CPNE4: variants seen among roughly 807,000 people sequenced by gnomAD.
CPNE4 encodes the protein copine 4, also known as copine-4.
Under a neutral mutation model 67.9 loss-of-function variants are expected in CPNE4, and 25 were observed. The observed-to-expected ratio is 0.37, with a 90% confidence interval of 0.27 to 0.51. The LOEUF is 0.51. CPNE4 is among the 20% of genes least tolerant of loss of function. CPNE4 has a pLI of 0.93. For synonymous variants in CPNE4, 242 were observed against 244.9 expected (o/e 0.99, Z 0.11); for missense variants, 464 against 690.8 (o/e 0.67, Z 3.68).
chr3:131,953,253 A>AT (rs1331790441), intron 1 of CPNE4, among the ~76,000 whole-genome samples: 1 of 143,520 alleles, frequency 7.0e-6, no homozygotes, highest in African/African-American at 2.6e-5. Context: ...AAAAAAAAAA[A>AT]AAAAAAAAAA....
chr3:131,937,215 C>T (rs891531121), intron 1 of CPNE4, among the ~76,000 whole-genome samples: 11 of 152,032 alleles, frequency 7.2e-5, no homozygotes, highest in African/African-American at 2.7e-4. Flanking sequence ...GAAATGTATA[C>T]AAAAATAGTC....
chr3:131,734,422 A>T (rs1430990290), intron 2 of CPNE4, among the ~76,000 whole-genome samples: 1 of 152,208 alleles, frequency 6.6e-6, no homozygotes, highest in East Asian at 1.9e-4. Context: ...GGTGTTGGGA[A>T]CATATCTGAA....
chr3:131,989,798 T>C (rs2073135531), intron 1 of CPNE4, among the ~76,000 whole-genome samples: 1 of 135,890 alleles, frequency 7.4e-6, no homozygotes, highest in South Asian at 2.6e-4. Context: ...AAAAGCAAAA[T>C]TGCTTTCAGA....
intron 2 of CPNE4, among the ~76,000 whole-genome samples, chr3:131,823,766 T>C (rs61487555): frequency 0.032 from 4,808 of 152,256 alleles, 179 homozygotes; most frequent in South Asian, 0.094. Context: ...AATGACCATA[T>C]ATCAAAACAA....
chr3:131,950,482 TGG>T (rs1333126152), intron 1 of CPNE4, among the ~76,000 whole-genome samples: 4 of 151,940 alleles, frequency 2.6e-5, no homozygotes, highest in East Asian at 1.9e-4. Flanking sequence ...GTATGAAAAA[TGG>T]GAGAAGAAGG....
At chr3:131,548,988 A>G (rs1308199874) in intron 14 of CPNE4, among the ~76,000 whole-genome samples, 3 of 152,160 alleles carry the variant, frequency 2.0e-5, no homozygotes, top group Non-Finnish European at 4.4e-5. Flanking sequence ...ATATTATTGA[A>G]TGAGTACTTG....
At chr3:131,974,707 G>A (rs1370129796) in intron 1 of CPNE4, among the ~76,000 whole-genome samples, 1 of 152,146 alleles carries the variant, frequency 6.6e-6, no homozygotes, top group African/African-American at 2.4e-5. Flanking sequence ...GTTCAAAAGG[G>A]ATTAAAGAAA....
chr3:132,029,436 T>C lies in CPNE4; in HGVS notation c.-2+5131A>G, dbSNP rs969540427. 4.6e-5 allele frequency among the ~76,000 whole-genome samples: 7 copies of C among 152,178 alleles called. No individual in the cohort carries two copies. In the East Asian group the frequency reaches 1.4e-3, roughly 29 times the overall value. The stretch of plus-strand genomic sequence containing the variant: ...TTCCTTATCCTAGAAGCCCTGCTTA[T>C]GGGTCCCGGAGGTTGACTCTGCTAG... On this transcript the variant is annotated intron_variant, in intron 1 of 15. Transcript: ENST00000429747.
At chr3:131,749,191 T>G (rs2082563509) in intron 2 of CPNE4, among the ~76,000 whole-genome samples, 1 of 152,172 alleles carries the variant, frequency 6.6e-6, no homozygotes, top group African/African-American at 2.4e-5. Context: ...TGTTTTTGGA[T>G]CAGGATAATA....
intron 1 of CPNE4, among the ~76,000 whole-genome samples, chr3:131,932,680 C>T (rs1477869908): frequency 2.6e-5 from 4 of 151,690 alleles, no homozygotes; most frequent in Admixed American, 6.6e-5. Flanking sequence ...ATGAAGAGCA[C>T]GCACTGGGAG....
intron 7 of CPNE4, among the ~76,000 whole-genome samples, chr3:131,617,896 C>T (rs1455066237): frequency 6.6e-6 from 1 of 152,214 alleles, no homozygotes; most frequent in East Asian, 1.9e-4. Flanking sequence ...AATATTAACT[C>T]ACCATCAGTC....
chr3:131,689,465 T>C (rs984820307), intron 5 of CPNE4, among the ~76,000 whole-genome samples: 7 of 152,088 alleles, frequency 4.6e-5, no homozygotes, highest in Admixed American at 2.0e-4. Context: ...ATCATCTCAA[T>C]AGACGTAGGA....
In CPNE4 at chr3:131,547,455, C is replaced by CAAAAAAAAAAAAAAAAAAAAAAAAA. The variant is rs56412825; in HGVS notation, c.1302+2467_1302+2491dup. The stretch of plus-strand genomic sequence containing the variant: ...TGGGTGATAGACCAAGACCCTGTCG[C>CAAAAAAAAAAAAAAAAAAAAAAAAA]AAAAAAAAAAAAAAAAAAAAAAAAA... On this transcript the variant is annotated intron_variant, in intron 14 of 15. Transcript: ENST00000429747. Among the ~76,000 whole-genome samples the CAAAAAAAAAAAAAAAAAAAAAAAAA allele has an allele frequency of 5.5e-5, 2 of 36,524 alleles. 1 individual carries two copies. The highest frequency in any genetic ancestry group is 1.1e-4 in the Non-Finnish European group (2 of 17,696). 24.0% of individuals were successfully genotyped at this position (36,524 alleles called of 152,430 possible).
In CPNE4 at chr3:131,699,904, C is replaced by T; in HGVS notation, c.432+5G>A. The T allele has an allele frequency of 1.2e-6, 2 of 1,612,802 alleles. No homozygotes were observed. The highest frequency in any genetic ancestry group is 2.2e-5 in the East Asian group (1 of 44,852). ...CAGACAGCTGCTTAGGGAGTGCCTG[C>T]TTACCGTGATGGAAGATTTCCCTGC... On this transcript the variant is annotated splice_donor_5th_base_variant and intron_variant, in intron 4 of 15. Coordinates refer to ENST00000429747, the MANE Select transcript of CPNE4 (RefSeq NM_130808.3).
chr3:131,734,625 C>T (rs951390477), intron 2 of CPNE4, among the ~76,000 whole-genome samples: 2 of 152,148 alleles, frequency 1.3e-5, no homozygotes, highest in African/African-American at 4.8e-5. Flanking sequence ...GTGACTCACA[C>T]CTGTAATCCC....
intron 1 of CPNE4, among the ~76,000 whole-genome samples, chr3:131,985,567 A>G (rs1490602033): frequency 6.6e-6 from 1 of 152,198 alleles, no homozygotes; most frequent in Non-Finnish European, 1.5e-5. Context: ...CCAAGATTCA[A>G]AAACAGGTTT....
At chr3:131,842,730 TAAA>T (rs3041527) in intron 2 of CPNE4, among the ~76,000 whole-genome samples, 140 of 121,826 alleles carry the variant, frequency 1.1e-3, no homozygotes, top group Middle Eastern at 4.0e-3. Context: ...TATTCTGTTG[TAAA>T]AAAAAAAAAA....
In CPNE4 at chr3:131,998,084, G is replaced by C. The variant is rs112746369; in HGVS notation, c.-2+36483C>G. 1.9e-3 allele frequency among the ~76,000 whole-genome samples: 285 copies of C among 152,230 alleles called. 1 individual carries two copies. The highest frequency in any genetic ancestry group is 5.2e-3 in the Admixed American group (80 of 15,284). ...AGATTCAAACCATAGCATTTAGCTA[G>C]ATTGAGAAAGGAAGGACCTGGATGT... On this transcript the variant is annotated intron_variant, in intron 1 of 15. Coordinates refer to ENST00000429747, the MANE Select transcript of CPNE4 (RefSeq NM_130808.3).
intron 1 of CPNE4, among the ~76,000 whole-genome samples, chr3:132,013,393 C>T (rs781207048): frequency 1.3e-5 from 2 of 152,156 alleles, no homozygotes; most frequent in South Asian, 2.1e-4. Flanking sequence ...GAAGACATTA[C>T]ATTGACCACA....
Sources: allele counts gnomAD v4.1 joint callset (sites outside exome capture counted in the v4.1 genomes callset), GRCh38; gene constraint gnomAD v4.1.1; transcripts MANE v1.5; gene names NCBI Gene and HGNC (gene_info 2026-07-23, HGNC 2026-07-21).